PCF11: variants seen among roughly 807,000 people sequenced by gnomAD.
PCF11 encodes the protein PCF11 cleavage and polyadenylation factor subunit.
A neutral mutation model predicts 166.1 loss-of-function variants in PCF11; 19 were observed. The observed-to-expected ratio is 0.11, with a 90% CI of 0.08 to 0.17. The LOEUF is 0.17. PCF11 is among the 10% of genes least tolerant of loss of function. The probability of loss-of-function intolerance (pLI) is 1.00; values close to 1 mark genes in which losing one functional copy is unlikely to be tolerated. For missense variants in PCF11, 1,565 were observed against 1,855.5 expected, an observed-to-expected ratio of 0.84 and a Z score of 2.88; for synonymous variants, 663 against 644.1, an observed-to-expected ratio of 1.03 and a Z score of -0.44.
At chr11:83,157,805 G>A (rs543394999) in intron 1 of PCF11, 174 bp downstream of exon 1, 4 of 617,878 alleles carry the variant, frequency 6.5e-6, no homozygotes, top group African/African-American at 1.8e-5. Flanking sequence ...ATGGGCCTCT[G>A]GGGGGGAGGG....
Position 83,166,308 on chromosome 11 carries a change from C to T in PCF11, c.1411C>T (p.Pro471Ser), listed in dbSNP as rs774044380. The T allele has an allele frequency of 2.5e-6, 4 of 1,613,578 alleles. No homozygotes were observed. In the African/African-American group the frequency reaches 4.0e-5, roughly 16 times the overall value. Residue 471 changes from proline (P) to serine (S), a missense_variant, in exon 5 of 16, where the codon CCA (proline) becomes TCA (serine). By Grantham distance (74) the Pro-to-Ser change is moderately conservative. Transcript: ENST00000298281. ...AGAGTCAGAAAAACAGGGGACAAAA[C>T]CAGGGAGATCGAGTACTAGAAAGCG...
At chr11:83,171,097 A>C (rs2135431373) in intron 8 of PCF11, among the ~76,000 whole-genome samples, 1 of 152,352 alleles carries the variant, frequency 6.6e-6, no homozygotes, top group African/African-American at 2.4e-5. Context: ...ATTTATTCAC[A>C]TACCAGCAAT....
rs201629489 is a variant in PCF11 at position 83,169,852 on chromosome 11, C to T, written c.3517C>T (p.Pro1173Ser). Residue 1173 changes from proline (P) to serine (S), a missense_variant, in exon 8 of 16, where the codon CCT (proline) becomes TCT (serine). By Grantham distance (74) the Pro-to-Ser change is moderately conservative. Transcript: ENST00000298281. ...ACCAAATTTTAATGGACCACATGGC[C>T]CTGGAAACCAGAGTTTCTCTAATCC... 135 of 1,613,512 alleles carry T rather than the reference C, an allele frequency of 8.4e-5. No individual in the cohort carries two copies. The highest frequency in any genetic ancestry group is 5.8e-4 in the Admixed American group (35 of 59,968).
chr11:83,179,254 T>C (rs1266743551), intron 11 of PCF11, among the ~76,000 whole-genome samples: 2 of 152,022 alleles, frequency 1.3e-5, no homozygotes, highest in Admixed American at 6.6e-5. Flanking sequence ...TTACCTCTTT[T>C]TCCTTTTTTT....
exon 16 of PCF11, chr11:83,184,866 C>G (rs964015247): frequency 7.7e-6 from 12 of 1,568,168 alleles, no homozygotes; most frequent in Non-Finnish European, 1.0e-5. Flanking sequence ...GAAATTAAAA[C>G]AGAAAATGAC....
chr11:83,183,252 A>T (rs1003101097), intron 15 of PCF11, among the ~76,000 whole-genome samples, 179 bp downstream of exon 15: 2 of 152,134 alleles, frequency 1.3e-5, no homozygotes, highest in African/African-American at 4.8e-5. Context: ...GACAGAATTG[A>T]CATATATGAA....
exon 1 of PCF11, chr11:83,157,417 C>A (rs778782665): frequency 6.2e-7 from 1 of 1,600,528 alleles, no homozygotes; most frequent in Non-Finnish European, 8.5e-7. Context: ...CTGCAGCGGA[C>A]CTCGGAGGGG....
At chr11:83,166,069 G>T in exon 5 of PCF11, 1 of 1,609,962 alleles carries the variant, frequency 6.2e-7, no homozygotes, top group Non-Finnish European at 8.5e-7. Flanking sequence ...GAATCGGAAA[G>T]TATGAGGTTG....
At chr11:83,168,043 GA>G in intron 7 of PCF11, 145 bp downstream of exon 7, 1 of 620,686 alleles carries the variant, frequency 1.6e-6, no homozygotes, top group Non-Finnish European at 2.4e-6. Flanking sequence ...TCCCTTTAAG[GA>G]AAGGGAAGGG....
intron 3 of PCF11, 58 bp from the exon 4 acceptor site, chr11:83,164,149 T>C: frequency 8.3e-7 from 1 of 1,202,048 alleles, no homozygotes; most frequent in Non-Finnish European, 1.2e-6. Flanking sequence ...TAATTTTTAC[T>C]CCCTAGCTTC....
chr11:83,167,173 G>A lies in PCF11; in HGVS notation c.1866G>A (p.Arg622=). ...GTAAACCTCCTCATCTGAGGCATAGGGAGAGCTGGTCAAGCACTAAAGGAA... is the reference window on the plus strand; with the variant it reads ...GTAAACCTCCTCATCTGAGGCATAGAGAGAGCTGGTCAAGCACTAAAGGAA... The change falls in exon 6 of 16, where the codon AGG becomes AGA. Residue 622 remains arginine (R), a synonymous_variant. Coordinates refer to ENST00000298281, the Ensembl canonical transcript of PCF11. This position sits in a 1 kb window ranked among gnomAD's most constrained non-coding sequence, Gnocchi z 4.2. 1 of 1,613,568 alleles carries A rather than the reference G, an allele frequency of 6.2e-7. No homozygotes were observed. The highest frequency in any genetic ancestry group is 8.5e-7 in the Non-Finnish European group (1 of 1,179,590).
chr11:83,159,277 T>A (rs933142351), intron 1 of PCF11, among the ~76,000 whole-genome samples: 1 of 152,162 alleles, frequency 6.6e-6, no homozygotes, highest in Non-Finnish European at 1.5e-5. Context: ...CACAAACATC[T>A]TGGACATGAA....
intron 8 of PCF11, among the ~76,000 whole-genome samples, chr11:83,170,895 G>A (rs1292225232): frequency 3.9e-5 from 6 of 152,110 alleles, no homozygotes; most frequent in Admixed American, 6.5e-5. Flanking sequence ...CTAATGGTAC[G>A]AAAAAACAGT....
chr11:83,170,004 G>A lies in PCF11; in HGVS notation c.3660+9G>A. The A allele has an allele frequency of 6.4e-7, 1 of 1,557,702 alleles. No homozygotes were observed. Among genetic ancestry groups the A allele is most frequent in the Non-Finnish European group, 8.6e-7 (1 of 1,159,322 alleles). ...TTCAGGCATCTCAACAGGTAAGTCT[G>A]TTATTCTAAAATTGCGTTGTATGCA... On this transcript the variant is annotated intron_variant, in intron 8 of 15. Coordinates refer to ENST00000298281, the Ensembl canonical transcript of PCF11.
At chr11:83,184,825 T>G in exon 16 of PCF11, 2 of 1,598,964 alleles carry the variant, frequency 1.3e-6, no homozygotes, top group Middle Eastern at 1.7e-4. Context: ...CACCACCAGC[T>G]TGTACAGAGG....
At chr11:83,161,479 G>GTT in intron 2 of PCF11, 27 bp downstream of exon 2, 3 of 1,473,698 alleles carry the variant, frequency 2.0e-6, no homozygotes, top group South Asian at 1.3e-5. Context: ...AAACATTTGC[G>GTT]TTTTTTTTTA....
intron 1 of PCF11, 168 bp downstream of exon 1, chr11:83,157,799 G>A (rs904991263): frequency 6.3e-6 from 4 of 631,902 alleles, no homozygotes; most frequent in African/African-American, 3.7e-5. Flanking sequence ...TCGAGCATGG[G>A]CCTCTGGGGG....
Position 83,157,320 on chromosome 11 carries a change from T to G in PCF11, c.-120T>G. 56 of 829,858 alleles carry G rather than the reference T, an allele frequency of 6.7e-5. No homozygotes were observed. The highest frequency in any genetic ancestry group is 9.2e-5 in the Non-Finnish European group (49 of 534,218). The allele number at this position is 829,858 out of a possible 1,614,324, so 51.4% of individuals were successfully genotyped here. On this transcript the variant is annotated 5_prime_UTR_variant, in exon 1 of 16. An upstream start codon of the reference 5' UTR is lost. Transcript: ENST00000298281. ...CCCCATCCCCCCTCCGCGGTCAGCA[T>G]GTGGTGAAGCCGGAGCCGCGAGAGA...
exon 16 of PCF11, chr11:83,184,981 A>G (rs557264667): frequency 1.4e-5 from 11 of 799,624 alleles, no homozygotes; most frequent in East Asian, 3.0e-5. Flanking sequence ...ATATATAGAC[A>G]TATCTATATA....
Sources: gnomAD v4.1 joint callset for allele counts (sites outside exome capture counted in the v4.1 genomes callset) on GRCh38, gnomAD v4.1.1 for gene constraint, Gnocchi (gnomAD v3.1) non-coding constraint, MANE v1.5 for transcripts, NCBI Gene and HGNC (gene_info 2026-07-23, HGNC 2026-07-21) for gene names.